KIRREL3: variants seen among roughly 807,000 people sequenced by gnomAD.
KIRREL3 encodes kin of IRRE-like protein 3.
Under a neutral mutation model 89.7 loss-of-function variants are expected in KIRREL3, and 36 were observed. The observed-to-expected ratio is 0.40, with a 90% CI of 0.31 to 0.53. KIRREL3 has a LOEUF of 0.53. Ranked by LOEUF, KIRREL3 falls within the 20% of genes least tolerant of loss-of-function variation. The probability of loss-of-function intolerance (pLI) is 0.49; values close to 1 mark genes in which losing one functional copy is unlikely to be tolerated. For synonymous variants in KIRREL3, 445 were observed against 441.4 expected, an observed-to-expected ratio of 1.01 and a Z score of -0.10; for missense variants, 864 against 1,056.6, an observed-to-expected ratio of 0.82 and a Z score of 2.53.
intron 1 of KIRREL3, among the ~76,000 whole-genome samples, chr11:126,722,495 T>C (rs1948214699): frequency 6.6e-6 from 1 of 152,284 alleles, no homozygotes; most frequent in African/African-American, 2.4e-5. Context: ...TGGGGCCAAA[T>C]TCAGTCCACT....
Position 126,609,354 on chromosome 11 carries a change from G to A in KIRREL3, c.56-46442C>T, listed in dbSNP as rs1261396240. Among the ~76,000 whole-genome samples, 1 of 152,282 alleles carries A rather than the reference G, an allele frequency of 6.6e-6. No homozygotes were observed. The highest frequency in any genetic ancestry group is 2.1e-4 in the South Asian group (1 of 4,830). ...GGGTTAATTGGACCTTGTTTATGTA[G>A]CATCTATTATTTATGATTTCCTTTC... On this transcript the variant is annotated intron_variant, in intron 1 of 16. Transcript: ENST00000525144. The surrounding 1 kb of genome is among the most constrained non-coding windows in gnomAD (Gnocchi z 5.0).
chr11:126,602,408 C>A (rs1055238330), intron 1 of KIRREL3, among the ~76,000 whole-genome samples: 1 of 152,172 alleles, frequency 6.6e-6, no homozygotes, highest in Admixed American at 6.5e-5. Context: ...GTAATAGCAA[C>A]CTGCCTTTGT....
chr11:126,632,722 G>A (rs1289718783), intron 1 of KIRREL3, among the ~76,000 whole-genome samples: 17 of 1,232 alleles, frequency 0.014, no homozygotes, highest in African/African-American at 0.045. Flanking sequence ...AGCCACTGCT[G>A]TAACAAGTAT....
At position 126,576,460 on chromosome 11, in the gene KIRREL3, CT is replaced by C. The variant is rs1426783364; in HGVS notation, c.56-13549del. Among the ~76,000 whole-genome samples, 1 of 152,172 alleles carries C rather than the reference CT, an allele frequency of 6.6e-6. No homozygotes were observed. The highest frequency in any genetic ancestry group is 1.5e-5 in the Non-Finnish European group (1 of 68,028). Reference sequence around the variant, plus strand: ...GAACAAGACAGAGAAGAATTTTTGCCTTCCCAAGCTTCCATTTTAGACAGCT... The same window carrying C: ...GAACAAGACAGAGAAGAATTTTTGCCTCCCAAGCTTCCATTTTAGACAGCT... On this transcript the variant is annotated intron_variant, in intron 1 of 16. Coordinates refer to ENST00000525144, the MANE Select transcript of KIRREL3 (RefSeq NM_032531.4). This position sits in a 1 kb window ranked among gnomAD's most constrained non-coding sequence, Gnocchi z 5.4.
chr11:126,800,735 C>T (rs550408665), intron 1 of KIRREL3, among the ~76,000 whole-genome samples: 1 of 152,162 alleles, frequency 6.6e-6, no homozygotes, highest in Non-Finnish European at 1.5e-5. Flanking sequence ...AAACAGGCCA[C>T]CCCTACAGCC....
In KIRREL3 at chr11:126,686,406, C is replaced by T. The variant is rs948530619; in HGVS notation, c.56-123494G>A. Among the ~76,000 whole-genome samples, 19 of 152,052 alleles carry T rather than the reference C, an allele frequency of 1.2e-4. No homozygotes were observed. The highest frequency in any genetic ancestry group is 2.4e-4 in the Non-Finnish European group (16 of 68,014). ...TGATGAGCTGCAGAGACAGAAGACA[C>T]CATCCTATTTTTATAAGCCTTGTGG... On this transcript the variant is annotated intron_variant, in intron 1 of 16. Transcript: ENST00000525144. This position sits in a 1 kb window ranked among gnomAD's most constrained non-coding sequence, Gnocchi z 4.7.
chr11:126,857,273 C>G (rs766445202), intron 1 of KIRREL3, among the ~76,000 whole-genome samples: 30 of 152,358 alleles, frequency 2.0e-4, no homozygotes, highest in South Asian at 1.2e-3. Flanking sequence ...TGGACCCCAC[C>G]TGTGACTGTG....
chr11:126,490,039 G>T lies in KIRREL3; in HGVS notation c.434-16573C>A, dbSNP rs897680409. On this transcript the variant is annotated intron_variant, in intron 4 of 16. Coordinates refer to ENST00000525144, the MANE Select transcript of KIRREL3 (RefSeq NM_032531.4). The surrounding 1 kb of genome is among the most constrained non-coding windows in gnomAD (Gnocchi z 4.2). ...CATGAGCTGCTTCGAGGAGTGAACGGGGTGAGGTGTCCAGTGTTGCTTTGA... is the reference window on the plus strand; with the variant it reads ...CATGAGCTGCTTCGAGGAGTGAACGTGGTGAGGTGTCCAGTGTTGCTTTGA... Among the ~76,000 whole-genome samples the T allele has an allele frequency of 5.3e-5, 8 of 152,102 alleles. No homozygotes were observed. The highest frequency in any genetic ancestry group is 1.0e-4 in the Non-Finnish European group (7 of 68,022).
intron 1 of KIRREL3, among the ~76,000 whole-genome samples, chr11:126,885,923 G>A (rs1384794468): frequency 1.3e-5 from 2 of 152,200 alleles, no homozygotes; most frequent in Non-Finnish European, 2.9e-5. Flanking sequence ...CTGATTATGG[G>A]ATATTGAACC....
intron 1 of KIRREL3, among the ~76,000 whole-genome samples, chr11:126,834,411 A>C (rs1052889738): frequency 3.3e-5 from 5 of 152,224 alleles, no homozygotes; most frequent in Admixed American, 1.3e-4. Flanking sequence ...AGCCTGACTC[A>C]CAGATAAAAT....
At chr11:126,850,065 A>T (rs1331298695) in intron 1 of KIRREL3, among the ~76,000 whole-genome samples, 1 of 152,194 alleles carries the variant, frequency 6.6e-6, no homozygotes, top group African/African-American at 2.4e-5. Flanking sequence ...TCAACAGTAC[A>T]TCTTTCTTTA....
chr11:126,574,032 C>T lies in KIRREL3; in HGVS notation c.56-11120G>A, dbSNP rs1054662146. On this transcript the variant is annotated intron_variant, in intron 1 of 16. Coordinates refer to ENST00000525144, the MANE Select transcript of KIRREL3 (RefSeq NM_032531.4). This position sits in a 1 kb window ranked among gnomAD's most constrained non-coding sequence, Gnocchi z 5.3. ...CATTCCAGAAAGCTCCATGGAAGCC[C>T]CTTACAGGCCCCAGACAAGGGGCTT... is the stretch of plus-strand genomic sequence containing the variant. Among the ~76,000 whole-genome samples, 2 of 152,192 alleles carry T rather than the reference C, an allele frequency of 1.3e-5. No homozygotes were observed. The highest frequency in any genetic ancestry group is 2.9e-5 in the Non-Finnish European group (2 of 68,034).
chr11:126,446,148 C>CA (rs56820180), intron 9 of KIRREL3, among the ~76,000 whole-genome samples: 4,050 of 83,184 alleles, frequency 0.049, 201 homozygotes, highest in East Asian at 0.28. Flanking sequence ...AACTCCATCT[C>CA]AAAAAAAAAA....
rs1397787485 is a variant in KIRREL3, at chr11:126,896,285, T to C, written c.55+104170A>G. On this transcript the variant is annotated intron_variant, in intron 1 of 16. Coordinates refer to ENST00000525144, the MANE Select transcript of KIRREL3 (RefSeq NM_032531.4). The surrounding 1 kb of genome is among the most constrained non-coding windows in gnomAD (Gnocchi z 4.1). Reference sequence around the variant, plus strand: ...AACCCTATACCATCCAAGACAGAACTCTGCTAGTCTGCAAGGATGAACATG... The same window carrying C: ...AACCCTATACCATCCAAGACAGAACCCTGCTAGTCTGCAAGGATGAACATG... Among the ~76,000 whole-genome samples, 1 of 152,204 alleles carries C rather than the reference T, an allele frequency of 6.6e-6. No homozygotes were observed. Among genetic ancestry groups the C allele is most frequent in the Non-Finnish European group, 1.5e-5 (1 of 68,044 alleles).
intron 5 of KIRREL3, among the ~76,000 whole-genome samples, chr11:126,464,556 A>G (rs73031032): frequency 2.1e-5 from 2 of 93,580 alleles, no homozygotes; most frequent in Admixed American, 1.1e-4. Flanking sequence ...AGAAAAAGAA[A>G]AAGAAGAAGG....
intron 1 of KIRREL3, among the ~76,000 whole-genome samples, chr11:126,833,201 G>T (rs929657519): frequency 1.3e-5 from 2 of 152,206 alleles, no homozygotes; most frequent in African/African-American, 4.8e-5. Context: ...AAGCAAGCTT[G>T]CTCTAATGGG....
At position 126,989,727 on chromosome 11, in the gene KIRREL3, G is replaced by A. The variant is rs1012108121; in HGVS notation, c.55+10728C>T. 9.2e-5 allele frequency among the ~76,000 whole-genome samples: 14 copies of A among 152,170 alleles called. No individual in the cohort carries two copies. Among genetic ancestry groups the A allele is most frequent in the Non-Finnish European group, 1.6e-4 (11 of 68,034 alleles). The stretch of plus-strand genomic sequence containing the variant: ...GAAGTCTTAGGGCCAACAGGGGAAC[G>A]AAGTCTTAGGGCCAACAGGGTTCCC... On this transcript the variant is annotated intron_variant, in intron 1 of 16. Transcript: ENST00000525144. The surrounding 1 kb of genome is among the most constrained non-coding windows in gnomAD (Gnocchi z 6.2).
chr11:126,804,458 T>A (rs1392970089), intron 1 of KIRREL3, among the ~76,000 whole-genome samples: 1 of 152,148 alleles, frequency 6.6e-6, no homozygotes, highest in Non-Finnish European at 1.5e-5. Context: ...CTATGGTAAA[T>A]CTCCTCTTGT....
At position 126,877,902 on chromosome 11, in the gene KIRREL3, G is replaced by A. The variant is rs967208116; in HGVS notation, c.55+122553C>T. 4.6e-5 allele frequency among the ~76,000 whole-genome samples: 7 copies of A among 152,248 alleles called. No homozygotes were observed. The highest frequency in any genetic ancestry group is 1.9e-4 in the East Asian group (1 of 5,176). Reference sequence around the variant, plus strand: ...TAATAGGTGCAAAAACAGTTGCAGCGTGTTAAGGCTGGAACTCCCCCCTAG... The same window carrying A: ...TAATAGGTGCAAAAACAGTTGCAGCATGTTAAGGCTGGAACTCCCCCCTAG... On this transcript the variant is annotated intron_variant, in intron 1 of 16. Transcript: ENST00000525144. The surrounding 1 kb of genome is among the most constrained non-coding windows in gnomAD (Gnocchi z 4.9).
Sources: allele counts gnomAD v4.1 joint callset (sites outside exome capture counted in the v4.1 genomes callset), GRCh38; gene constraint gnomAD v4.1.1; non-coding constraint Gnocchi (gnomAD v3.1); transcripts MANE v1.5; gene names NCBI Gene and HGNC (gene_info 2026-07-23, HGNC 2026-07-21).